Variants in OSBPL2 observed in about 807,000 individuals in gnomAD.
The protein encoded by OSBPL2 is oxysterol binding protein like 2, also known as oxysterol-binding protein-related protein 2.
OSBPL2 carries 18 observed loss-of-function variants against 58.4 expected under a neutral mutation model. That is an observed-to-expected ratio of 0.31 (90% CI 0.21 to 0.46). The LOEUF (loss-of-function observed/expected upper bound fraction) is 0.46. OSBPL2 is among the 20% of genes least tolerant of loss of function. The pLI is 1.00. For synonymous variants in OSBPL2, 221 were observed against 234.1 expected, an observed-to-expected ratio of 0.94 and a Z score of 0.51; for missense variants, 461 against 616.5, an observed-to-expected ratio of 0.75 and a Z score of 2.67.
At chr20:62,252,964 C>T (rs559564211) in intron 1 of OSBPL2, among the ~76,000 whole-genome samples, 3 of 152,368 alleles carry the variant, frequency 2.0e-5, no homozygotes, top group Middle Eastern at 3.4e-3. Flanking sequence ...CATCCAACAC[C>T]GGGGATCACA....
intron 4 of OSBPL2, among the ~76,000 whole-genome samples, chr20:62,263,975 G>T (rs1981496258): frequency 6.6e-6 from 1 of 150,868 alleles, no homozygotes; most frequent in Non-Finnish European, 1.5e-5. Context: ...TGAGGCAGGA[G>T]AATGGCGTGA....
chr20:62,257,333 G>T (rs910116869), intron 2 of OSBPL2, among the ~76,000 whole-genome samples: 1 of 152,362 alleles, frequency 6.6e-6, no homozygotes, highest in East Asian at 1.9e-4. Context: ...TGCGCTGGCA[G>T]CTCAAGATGG....
At chr20:62,253,765 A>C (rs1980730922) in intron 1 of OSBPL2, among the ~76,000 whole-genome samples, 1 of 145,406 alleles carries the variant, frequency 6.9e-6, no homozygotes, top group Non-Finnish European at 1.5e-5. Flanking sequence ...AGCACACTAA[A>C]GGGGGCCAAA....
At chr20:62,291,511 G>A in intron 12 of OSBPL2, 192 bp from the exon 13 acceptor site, 1 of 629,892 alleles carries the variant, frequency 1.6e-6, no homozygotes, top group South Asian at 1.7e-5. Context: ...CGCTTGGGAA[G>A]GGCCCTGTTG....
chr20:62,278,158 G>A (rs1278634824), intron 6 of OSBPL2: 2 of 172,712 alleles, frequency 1.2e-5, no homozygotes, highest in Admixed American at 1.3e-4. Context: ...CTCTGGGTGG[G>A]TCAGATGTGC....
chr20:62,256,348 C>T, intron 2 of OSBPL2, 127 bp downstream of exon 2: 1 of 756,748 alleles, frequency 1.3e-6, no homozygotes, highest in South Asian at 1.9e-5. Flanking sequence ...CGTTCACGAT[C>T]CCAAACACGG....
chr20:62,250,622 T>C (rs2145920356), intron 1 of OSBPL2, among the ~76,000 whole-genome samples: 1 of 152,274 alleles, frequency 6.6e-6, no homozygotes, highest in Middle Eastern at 3.4e-3. Flanking sequence ...AGGGGAGCAT[T>C]TTAAAAAAGG....
chr20:62,293,400 T>TA (rs1983655557), intron 13 of OSBPL2, among the ~76,000 whole-genome samples: 1 of 152,112 alleles, frequency 6.6e-6, no homozygotes, highest in African/African-American at 2.4e-5. Context: ...TGTCCTCAGT[T>TA]AAAAAAACCA....
chr20:62,253,821 C>T (rs6062172), intron 1 of OSBPL2, among the ~76,000 whole-genome samples: 75,688 of 151,024 alleles, frequency 0.5, 19,352 homozygotes, highest in African/African-American at 0.61. Flanking sequence ...GATGGGGTTT[C>T]ACTCTTGTTG....
intron 7 of OSBPL2, chr20:62,279,609 C>T (rs963005423): frequency 7.9e-6 from 4 of 507,402 alleles, no homozygotes; most frequent in Non-Finnish European, 1.4e-5. Flanking sequence ...TGGGGTGCAT[C>T]CTCACGTCTG....
In OSBPL2 at chr20:62,241,514, G is replaced by A. The variant is rs141078760; in HGVS notation, c.-129+2917G>A. 7.4e-4 allele frequency among the ~76,000 whole-genome samples: 113 copies of A among 152,380 alleles called. No individual in the cohort carries two copies. The East Asian group carries it at 0.012, about 17-fold the overall frequency. On this transcript the variant is annotated intron_variant, in intron 1 of 13. Transcript: ENST00000313733. ...GCAGGGAAGCTGCCATCTCCTCAAG[G>A]TGATTTCTTTAATGTCCCCATGCAA...
intron 6 of OSBPL2, among the ~76,000 whole-genome samples, chr20:62,276,971 G>A (rs946743296): frequency 6.6e-6 from 1 of 152,200 alleles, no homozygotes; most frequent in South Asian, 2.1e-4. Context: ...AAATCAGGCC[G>A]GGCGTGGTGG....
At chr20:62,289,541 C>G (rs1015379712) in intron 12 of OSBPL2, among the ~76,000 whole-genome samples, 2 of 152,216 alleles carry the variant, frequency 1.3e-5, no homozygotes, top group African/African-American at 2.4e-5. Flanking sequence ...TCGCCTGCCT[C>G]AGACCAAACC....
chr20:62,291,202 T>G, intron 12 of OSBPL2: 1 of 205,676 alleles, frequency 4.9e-6, no homozygotes, highest in Non-Finnish European at 1.0e-5. Flanking sequence ...AGCTCACGAG[T>G]GTGACCTGGG....
rs183845225 is a variant in OSBPL2 at position 62,268,296 on chromosome 20, A to T, written c.259-3829A>T. 2.0e-5 allele frequency among the ~76,000 whole-genome samples: 3 copies of T among 152,198 alleles called. No homozygotes were observed. The East Asian group carries it at 5.8e-4, about 29-fold the overall frequency. On this transcript the variant is annotated intron_variant, in intron 4 of 13. Coordinates refer to ENST00000313733, the MANE Select transcript of OSBPL2 (RefSeq NM_144498.4). The stretch of plus-strand genomic sequence containing the variant: ...CATTTGTTTCATTTTTGATATTGAG[A>T]GATGACTTTTTAAAATTTAATTTTC...
rs1186855420 is a variant in OSBPL2, at chr20:62,279,969, C to T, written c.674+630C>T. On this transcript the variant is annotated intron_variant, in intron 7 of 13. Coordinates refer to ENST00000313733, the MANE Select transcript of OSBPL2 (RefSeq NM_144498.4). Reference sequence around the variant, plus strand: ...GGGGACCCTCTGAGAGGCTGCTTGCCACCCCTCTTCACTCTCAGCCTAAAT... The same window carrying T: ...GGGGACCCTCTGAGAGGCTGCTTGCTACCCCTCTTCACTCTCAGCCTAAAT... 5 of 1,303,736 alleles carry T rather than the reference C, an allele frequency of 3.8e-6. No individual in the cohort carries two copies. In the African/African-American group the frequency reaches 4.6e-5, roughly 12 times the overall value. 80.8% of individuals were successfully genotyped at this position (1,303,736 alleles called of 1,614,324 possible).
intron 4 of OSBPL2, among the ~76,000 whole-genome samples, chr20:62,265,231 A>G (rs1332388009): frequency 6.6e-6 from 1 of 152,048 alleles, no homozygotes; most frequent in Non-Finnish European, 1.5e-5. Flanking sequence ...TCCCCTAATT[A>G]TATATTTATT....
intron 1 of OSBPL2, among the ~76,000 whole-genome samples, chr20:62,241,225 C>T (rs532146755): frequency 1.3e-5 from 2 of 151,792 alleles, no homozygotes; most frequent in African/African-American, 4.8e-5. Flanking sequence ...GGCTGGAGTG[C>T]AGTGGCGCGA....
At chr20:62,254,096 C>G (rs1271376316) in intron 1 of OSBPL2, among the ~76,000 whole-genome samples, 1 of 152,186 alleles carries the variant, frequency 6.6e-6, no homozygotes, top group African/African-American at 2.4e-5. Context: ...ACACGCCCGG[C>G]CGACTCACCC....
Sources: gnomAD v4.1 joint callset for allele counts (sites outside exome capture counted in the v4.1 genomes callset) on GRCh38, gnomAD v4.1.1 for gene constraint, MANE v1.5 for transcripts, NCBI Gene and HGNC (gene_info 2026-07-23, HGNC 2026-07-21) for gene names.